The following CLTA variants were observed in gnomAD, a reference collection of about 807,000 sequenced individuals.
The protein encoded by CLTA is clathrin, light polypeptide (Lca).
In CLTA, 9 loss-of-function variants were observed where a neutral mutation model predicts 26.9. That is an observed-to-expected ratio of 0.33 (90% confidence interval 0.20 to 0.58). The LOEUF (loss-of-function observed/expected upper bound fraction) is 0.58, where lower values mean the gene tolerates loss of function less well. CLTA is among the 20% of genes least tolerant of loss of function. The probability of loss-of-function intolerance (pLI) is 0.85; values close to 1 mark genes in which losing one functional copy is unlikely to be tolerated. For missense variants in CLTA, 278 were observed against 294.2 expected (o/e 0.94, Z 0.40); for synonymous variants, 120 against 115.5 (o/e 1.04, Z -0.25).
chr9:36,204,626 A>G (rs1187520867), intron 4 of CLTA, among the ~76,000 whole-genome samples: 1 of 152,232 alleles, frequency 6.6e-6, no homozygotes, highest in Non-Finnish European at 1.5e-5. Flanking sequence ...GTAATTAGGC[A>G]GCCAAGGATG....
At chr9:36,200,004 A>AT (rs1296335317) in intron 3 of CLTA, among the ~76,000 whole-genome samples, 3 of 152,116 alleles carry the variant, frequency 2.0e-5, no homozygotes, top group Non-Finnish European at 4.4e-5. Flanking sequence ...CATCAGCCAC[A>AT]TTGCTTTCTA....
At chr9:36,203,656 T>C (rs1054453100) in intron 3 of CLTA, among the ~76,000 whole-genome samples, 2 of 152,232 alleles carry the variant, frequency 1.3e-5, no homozygotes, top group African/African-American at 4.8e-5. Context: ...GAACTAATAT[T>C]GGCAGCATTG....
At chr9:36,202,174 T>C (rs545868215) in intron 3 of CLTA, among the ~76,000 whole-genome samples, 2 of 152,138 alleles carry the variant, frequency 1.3e-5, no homozygotes, top group South Asian at 4.1e-4. Context: ...TCTGAGAAAA[T>C]GATTCTTCTG....
At chr9:36,199,548 C>T (rs1456185108) in intron 3 of CLTA, among the ~76,000 whole-genome samples, 2 of 150,304 alleles carry the variant, frequency 1.3e-5, no homozygotes, top group East Asian at 3.9e-4. Context: ...CTCCCGGGTT[C>T]ACACCATTCT....
intron 4 of CLTA, 124 bp from the exon 5 acceptor site, chr9:36,211,479 T>C (rs760427353): frequency 1.3e-5 from 17 of 1,350,532 alleles, no homozygotes; most frequent in South Asian, 2.9e-5. Flanking sequence ...GGGGCTGTTA[T>C]CTTGGGAAAG....
chr9:36,200,342 A>G (rs1022426100), intron 3 of CLTA, among the ~76,000 whole-genome samples: 2 of 152,220 alleles, frequency 1.3e-5, no homozygotes, highest in Admixed American at 1.3e-4. Context: ...ACATACACAC[A>G]CACAAATTGT....
chr9:36,202,837 T>G (rs1827494523), intron 3 of CLTA, among the ~76,000 whole-genome samples: 1 of 152,046 alleles, frequency 6.6e-6, no homozygotes, highest in African/African-American at 2.4e-5. Flanking sequence ...TTTTTTCTTT[T>G]TTGAGACAGA....
Position 36,195,586 on chromosome 9 carries a change from T to G in CLTA, c.218-1965T>G, listed in dbSNP as rs560332245. Among the ~76,000 whole-genome samples the G allele has an allele frequency of 8.9e-4, 135 of 152,262 alleles. 4 individuals carry two copies. In the South Asian group the frequency reaches 0.027, roughly 31 times the overall value. On this transcript the variant is annotated intron_variant, in intron 1 of 4. Coordinates refer to ENST00000345519, the MANE Select transcript of CLTA (RefSeq NM_001833.4). Reference sequence around the variant, plus strand: ...ACAGTCCCTAGTATCAGGGAAGGTCTAAGAAATGGGGCACTTGTGCTGCTA... The same window carrying G: ...ACAGTCCCTAGTATCAGGGAAGGTCGAAGAAATGGGGCACTTGTGCTGCTA...
At chr9:36,193,301 A>G (rs1374538874) in intron 1 of CLTA, among the ~76,000 whole-genome samples, 1 of 148,924 alleles carries the variant, frequency 6.7e-6, no homozygotes, top group East Asian at 2.0e-4. Flanking sequence ...TTTCTCTCTT[A>G]GTTTTCTTTT....
chr9:36,207,438 G>A (rs1429861064), intron 4 of CLTA, among the ~76,000 whole-genome samples: 2 of 152,248 alleles, frequency 1.3e-5, no homozygotes, highest in African/African-American at 4.8e-5. Flanking sequence ...ACAGTTCTCA[G>A]AGATGGCAAA....
chr9:36,207,984 T>C (rs1450773735), intron 4 of CLTA, among the ~76,000 whole-genome samples: 3 of 152,222 alleles, frequency 2.0e-5, no homozygotes, highest in Non-Finnish European at 2.9e-5. Flanking sequence ...TCTTTTTGCT[T>C]TCTTTAAATT....
intron 3 of CLTA, among the ~76,000 whole-genome samples, chr9:36,200,289 T>C (rs966312204): frequency 1.3e-5 from 2 of 152,176 alleles, no homozygotes; most frequent in African/African-American, 2.4e-5. Flanking sequence ...ACCCCCAGAT[T>C]CAGTAATTAA....
intron 4 of CLTA, chr9:36,210,491 A>T (rs1216031722): frequency 6.9e-7 from 1 of 1,439,498 alleles, no homozygotes; most frequent in African/African-American, 1.4e-5. Context: ...CAGCAAAGCC[A>T]GCTGCACGTC....
Position 36,191,204 on chromosome 9 carries a change from G to A in CLTA, c.148G>A (p.Glu50Lys), listed in dbSNP as rs1247395528. The A allele has an allele frequency of 6.4e-7, 1 of 1,569,834 alleles. No individual in the cohort carries two copies. The highest frequency in any genetic ancestry group is 1.8e-5 in the Admixed American group (1 of 54,072). ...ESEIAGIEND[E>K]AFAILDGGAP... Reference sequence around the variant, plus strand: ...CGAGATTGCGGGCATCGAGAACGACGAGGCCTTCGCCATCCTGGACGGCGG... The same window carrying A: ...CGAGATTGCGGGCATCGAGAACGACAAGGCCTTCGCCATCCTGGACGGCGG... Residue 50 changes from glutamate to lysine, a missense_variant, in exon 1 of 5, where the codon GAG becomes AAG. By Grantham distance (56) the Glu-to-Lys change is moderately conservative (BLOSUM62 1). Transcript: ENST00000345519.
At chr9:36,196,719 A>C (rs1024320263) in intron 1 of CLTA, among the ~76,000 whole-genome samples, 1 of 152,166 alleles carries the variant, frequency 6.6e-6, no homozygotes, top group African/African-American at 2.4e-5. Flanking sequence ...CCATGCTTTC[A>C]CTAGTTTGAT....
At chr9:36,194,439 G>C (rs1021425103) in intron 1 of CLTA, among the ~76,000 whole-genome samples, 3 of 152,222 alleles carry the variant, frequency 2.0e-5, no homozygotes, top group African/African-American at 4.8e-5. Context: ...GAAATCTCAT[G>C]CATGATAGTT....
At chr9:36,210,901 C>T (rs1828004042) in intron 4 of CLTA, among the ~76,000 whole-genome samples, 1 of 152,226 alleles carries the variant, frequency 6.6e-6, no homozygotes, top group East Asian at 1.9e-4. Flanking sequence ...TAATTCCGAA[C>T]TGGGGGTGGG....
At chr9:36,204,283 A>G (rs1827593835) in intron 4 of CLTA, 104 bp downstream of exon 4, 6 of 1,253,926 alleles carry the variant, frequency 4.8e-6, no homozygotes, top group Non-Finnish European at 6.6e-6. Context: ...TTAGTGTGAA[A>G]TGTCTGCAGT....
intron 4 of CLTA, among the ~76,000 whole-genome samples, chr9:36,208,932 AACAGTTAAGG>A (rs1373635770): frequency 6.6e-6 from 1 of 152,182 alleles, no homozygotes; most frequent in African/African-American, 2.4e-5. Context: ...ATAGGTTGTT[AACAGTTAAGG>A]ATTGAATCAA....
Sources: gnomAD v4.1 joint callset for allele counts (sites outside exome capture counted in the v4.1 genomes callset) on GRCh38, gnomAD v4.1.1 for gene constraint, MANE v1.5 for transcripts, NCBI Gene and HGNC (gene_info 2026-07-23, HGNC 2026-07-21) for gene names.